The following LRRC4C variants were observed in gnomAD, a reference collection of about 807,000 sequenced individuals.
LRRC4C encodes leucine-rich repeat-containing protein 4C.
In LRRC4C, 5 loss-of-function variants were observed where a neutral mutation model predicts 33.6. That is an observed-to-expected ratio of 0.15 (90% CI 0.08 to 0.31). LRRC4C has a LOEUF of 0.31. LRRC4C is among the 10% of genes least tolerant of loss of function. The probability of loss-of-function intolerance (pLI) is 1.00; values close to 1 mark genes in which losing one functional copy is unlikely to be tolerated. For synonymous variants in LRRC4C, 329 were observed against 302.0 expected (o/e 1.09, Z -0.93); for missense variants, 560 against 796.7 (o/e 0.70, Z 3.58).
intron 2 of LRRC4C, among the ~76,000 whole-genome samples, chr11:40,664,775 T>C (rs762024202): frequency 7.2e-5 from 11 of 152,048 alleles, no homozygotes; most frequent in Non-Finnish European, 1.5e-4. Context: ...TTTTAATATA[T>C]ATATAGATAT....
chr11:40,727,588 A>C (rs936719544), intron 2 of LRRC4C, among the ~76,000 whole-genome samples: 4 of 152,174 alleles, frequency 2.6e-5, no homozygotes, highest in African/African-American at 7.2e-5. Flanking sequence ...TCTGCACAGC[A>C]AAAGAAACTA....
chr11:40,904,671 G>T (rs2136215468), intron 2 of LRRC4C, among the ~76,000 whole-genome samples: 1 of 152,188 alleles, frequency 6.6e-6, no homozygotes. Context: ...CCCTCAAAAG[G>T]CAGGTCACTG....
rs146686286 is a variant in LRRC4C, at chr11:40,123,978, T to C, written c.-42-7644A>G. 9.9e-3 allele frequency among the ~76,000 whole-genome samples: 1,506 copies of C among 152,120 alleles called. 29 individuals are homozygous for C. Among genetic ancestry groups the C allele is most frequent in the African/African-American group, 0.035 (1,442 of 41,512 alleles). The stretch of plus-strand genomic sequence containing the variant: ...ATTTTTGACAAAGGTGCCAAGAACA[T>C]ACACTGGAGAAAGGACAGTCTCTTT... On this transcript the variant is annotated intron_variant, in intron 6 of 6. Coordinates refer to ENST00000528697, the MANE Select transcript of LRRC4C (RefSeq NM_001258419.2).
intron 1 of LRRC4C, among the ~76,000 whole-genome samples, chr11:41,106,841 C>A (rs954456412): frequency 2.0e-5 from 3 of 151,676 alleles, no homozygotes; most frequent in African/African-American, 7.3e-5. Flanking sequence ...GATGGCGAGA[C>A]CCTACTTCTA....
intron 4 of LRRC4C, among the ~76,000 whole-genome samples, chr11:40,296,924 G>A (rs1169176907): frequency 1.3e-5 from 2 of 152,132 alleles, no homozygotes; most frequent in Non-Finnish European, 2.9e-5. Context: ...TGACTTGGGA[G>A]AAGAGGAGGC....
chr11:40,755,768 A>G (rs896926635), intron 2 of LRRC4C, among the ~76,000 whole-genome samples: 1 of 152,146 alleles, frequency 6.6e-6, no homozygotes. Context: ...AGAAACTGGC[A>G]TGGAAATTTC....
intron 1 of LRRC4C, among the ~76,000 whole-genome samples, chr11:41,044,960 T>C (rs1857671922): frequency 6.6e-6 from 1 of 152,142 alleles, no homozygotes; most frequent in African/African-American, 2.4e-5. Flanking sequence ...TTCTCTTCAA[T>C]AAGTAATCCT....
intron 3 of LRRC4C, among the ~76,000 whole-genome samples, chr11:40,424,692 T>C (rs1229707794): frequency 2.6e-5 from 4 of 152,284 alleles, no homozygotes; most frequent in Admixed American, 1.3e-4. Context: ...TGTAACAATA[T>C]GGAATGATGT....
At chr11:40,912,303 T>C (rs1001501974) in intron 2 of LRRC4C, among the ~76,000 whole-genome samples, 13,361 of 151,720 alleles carry the variant, frequency 0.088, 819 homozygotes, top group African/African-American at 0.17. Context: ...AGAGAAAGGT[T>C]GGATTACCCA....
In LRRC4C at chr11:40,116,090, C is replaced by G; in HGVS notation, c.203G>C (p.Arg68Pro). The stretch of plus-strand genomic sequence containing the variant: ...GGTGGAGATGCCATCCGGAACCTCA[C>G]GCAGGTTTTTCCGAACACAAATCAC... ...SKVICVRKNL[R>P]EVPDGISTNT... The change falls in exon 7 of 7, where the codon CGT becomes CCT. Residue 68 changes from arginine to proline, a missense_variant. Physicochemically the swap from Arg to Pro is moderately radical, Grantham distance 103. This residue lies in a region of LRRC4C where 455 missense variants were observed against 643.8 expected (regional missense o/e 0.71). Coordinates refer to ENST00000528697, the MANE Select transcript of LRRC4C (RefSeq NM_001258419.2). 6.2e-7 allele frequency: 1 copy of G among 1,614,022 alleles called. No individual in the cohort carries two copies. Among genetic ancestry groups the G allele is most frequent in the Non-Finnish European group, 8.5e-7 (1 of 1,180,022 alleles).
chr11:40,702,734 G>T (rs1017993450), intron 2 of LRRC4C, among the ~76,000 whole-genome samples: 1 of 151,524 alleles, frequency 6.6e-6, no homozygotes, highest in Non-Finnish European at 1.5e-5. Flanking sequence ...CCATCAACCT[G>T]CATCTCCATC....
chr11:40,655,553 A>G (rs1298903862), intron 2 of LRRC4C, among the ~76,000 whole-genome samples: 4 of 152,210 alleles, frequency 2.6e-5, no homozygotes, highest in African/African-American at 9.6e-5. Flanking sequence ...TTTGCAAACC[A>G]CTTTGCTATA....
intron 1 of LRRC4C, among the ~76,000 whole-genome samples, chr11:41,457,898 AG>A (rs1482193456): frequency 6.6e-6 from 1 of 152,104 alleles, no homozygotes; most frequent in East Asian, 1.9e-4. Context: ...GATAGATGAA[AG>A]GCTAGGATAG....
Position 40,984,893 on chromosome 11 carries a change from C to CTTTTTTTTTTTTTTTTTTTTTTTTTT in LRRC4C, c.-495-51196_-495-51171dup, listed in dbSNP as rs562785410. Among the ~76,000 whole-genome samples, 19 of 52,270 alleles carry CTTTTTTTTTTTTTTTTTTTTTTTTTT rather than the reference C, an allele frequency of 3.6e-4. 7 individuals are homozygous for CTTTTTTTTTTTTTTTTTTTTTTTTTT. Among genetic ancestry groups the CTTTTTTTTTTTTTTTTTTTTTTTTTT allele is most frequent in the Non-Finnish European group, 5.5e-4 (15 of 27,232 alleles). 34.3% of individuals were successfully genotyped at this position (52,270 alleles called of 152,430 possible). ...CACGACAACTCTGTTCTCACTGACA[C>CTTTTTTTTTTTTTTTTTTTTTTTTTT]TTTTTTTTTTTTTTTTTTTTTTTTT... On this transcript the variant is annotated intron_variant, in intron 1 of 6. Coordinates refer to ENST00000528697, the MANE Select transcript of LRRC4C (RefSeq NM_001258419.2).
intron 1 of LRRC4C, among the ~76,000 whole-genome samples, chr11:41,179,379 T>C (rs1945345437): frequency 6.6e-6 from 1 of 152,158 alleles, no homozygotes; most frequent in Non-Finnish European, 1.5e-5. Context: ...AATGGCAGCT[T>C]TGGATACTTT....
chr11:40,677,173 G>A (rs1944445829), intron 2 of LRRC4C, among the ~76,000 whole-genome samples: 1 of 151,986 alleles, frequency 6.6e-6, no homozygotes, highest in South Asian at 2.1e-4. Flanking sequence ...ATCACTTGAG[G>A]ACAGGAGATC....
chr11:41,154,429 C>T (rs543991485), intron 1 of LRRC4C, among the ~76,000 whole-genome samples: 19 of 152,000 alleles, frequency 1.3e-4, no homozygotes, highest in East Asian at 3.9e-4. Context: ...TCATTGCTTA[C>T]GGAAAAGACC....
At chr11:41,059,337 A>T (rs355257) in intron 1 of LRRC4C, among the ~76,000 whole-genome samples, 2 of 151,200 alleles carry the variant, frequency 1.3e-5, no homozygotes, top group African/African-American at 4.9e-5. Context: ...AAGATGAGAA[A>T]GATAAACACA....
At chr11:40,423,746 A>G (rs1950614090) in intron 3 of LRRC4C, among the ~76,000 whole-genome samples, 1 of 152,128 alleles carries the variant, frequency 6.6e-6, no homozygotes. Flanking sequence ...ATTATTAACC[A>G]ATGTTGGAAC....
Sources: allele counts gnomAD v4.1 joint callset (sites outside exome capture counted in the v4.1 genomes callset), GRCh38; gene constraint gnomAD v4.1.1; regional missense constraint gnomAD v4.1.1; transcripts MANE v1.5; gene names NCBI Gene and HGNC (gene_info 2026-07-23, HGNC 2026-07-21).